ZNF184: variants seen among roughly 807,000 people sequenced by gnomAD.
ZNF184 encodes the protein zinc finger protein 184.
In ZNF184, 16 loss-of-function variants were observed where a neutral mutation model predicts 54.4. The ratio of observed to expected loss-of-function variants is 0.29; its 90% CI spans 0.20 to 0.45. ZNF184 has a LOEUF of 0.45. Among genes scored for constraint, ZNF184 ranks in the 20% least tolerant of loss-of-function variants. The pLI is 1.00. For missense variants in ZNF184, 681 were observed against 888.2 expected, an observed-to-expected ratio of 0.77 and a Z score of 2.97; for synonymous variants, 254 against 295.3, an observed-to-expected ratio of 0.86 and a Z score of 1.43.
intron 3 of ZNF184, among the ~76,000 whole-genome samples, chr6:27,465,298 C>T (rs1763103702): frequency 1.3e-5 from 2 of 151,068 alleles, no homozygotes; most frequent in South Asian, 2.1e-4. Flanking sequence ...TCCTGGCTAA[C>T]ACAGGGAAAC....
At chr6:27,456,235 G>A in intron 5 of ZNF184, among the ~76,000 whole-genome samples, 1 of 149,402 alleles carries the variant, frequency 6.7e-6, no homozygotes, top group East Asian at 2.0e-4. Context: ...TACAGCCTGG[G>A]CAACAGAATG....
the ZNF184 span, among the ~76,000 whole-genome samples, chr6:27,437,446 T>G: frequency 6.6e-6 from 1 of 152,124 alleles, no homozygotes; most frequent in Non-Finnish European, 1.5e-5. Context: ...AGGAAGTGTA[T>G]CCTGTCAATG....
Position 27,452,847 on chromosome 6 carries a change from T to G in ZNF184, c.712A>C (p.Ile238Leu). 1.2e-6 allele frequency: 2 copies of G among 1,613,946 alleles called. No individual in the cohort carries two copies. Among genetic ancestry groups the G allele is most frequent in the Non-Finnish European group, 1.7e-6 (2 of 1,179,976 alleles). ...CCAGTATGTGTTCTCTGATGGCGAA[T>G]AAGAGCTGAACAATAACTAAAGGCT... ...GKAFSYCSAL[I>L]RHQRTHTGEK... Residue 238 changes from isoleucine (I) to leucine (L), a missense_variant, in exon 6 of 6, where the codon ATT becomes CTT. By Grantham distance (5) the Ile-to-Leu change is conservative. Coordinates refer to ENST00000683788, the MANE Select transcript of ZNF184 (RefSeq NM_001318891.2). The surrounding 1 kb of genome is among the most constrained non-coding windows in gnomAD (Gnocchi z 5.5).
chr6:27,433,978 C>CTTCCTTCCTTCCTCTCCCTCCG, the ZNF184 span, among the ~76,000 whole-genome samples: 1 of 144,652 alleles, frequency 6.9e-6, no homozygotes, highest in African/African-American at 2.6e-5. Flanking sequence ...CCCTCCCTTC[C>CTTCCTTCCTTCCTCTCCCTCCG]TTCCTTCCTT....
chr6:27,422,147 AAAAAGAAAGAAAG>A, the ZNF184 span, among the ~76,000 whole-genome samples: 11 of 49,756 alleles, frequency 2.2e-4, 2 homozygotes, highest in African/African-American at 7.2e-4. Context: ...CCTCAAAAAA[AAAAAGAAAGAAAG>A]AAAGAAAGAA....
chr6:27,449,720 C>T (rs1762678134), downstream of ZNF184, among the ~76,000 whole-genome samples: 1 of 151,922 alleles, frequency 6.6e-6, no homozygotes, highest in South Asian at 2.1e-4. Flanking sequence ...TACTGCACTC[C>T]AGCCTGGGTG....
intron 3 of ZNF184, among the ~76,000 whole-genome samples, chr6:27,460,594 C>T (rs1164196045): frequency 6.6e-6 from 1 of 152,184 alleles, no homozygotes; most frequent in Non-Finnish European, 1.5e-5. Context: ...AGTGGTCTTA[C>T]TGAGCTGAGG....
chr6:27,435,234 G>T, the ZNF184 span, among the ~76,000 whole-genome samples: 11 of 152,182 alleles, frequency 7.2e-5, no homozygotes, highest in Admixed American at 5.2e-4. Context: ...TCTGTTGGTT[G>T]CTTCGGATGA....
chr6:27,461,465 G>A (rs954146367), intron 3 of ZNF184, among the ~76,000 whole-genome samples: 4 of 151,950 alleles, frequency 2.6e-5, no homozygotes, highest in Non-Finnish European at 5.9e-5. Context: ...CTAGAGTAAG[G>A]CTACACTAGA....
chr6:27,465,634 C>T (rs13201443), intron 3 of ZNF184, among the ~76,000 whole-genome samples: 98,978 of 151,600 alleles, frequency 0.65, 32,583 homozygotes, highest in Middle Eastern at 0.76. Context: ...GCAAAAGATA[C>T]TACCAGGCAT....
chr6:27,412,348 G>A, the ZNF184 span, among the ~76,000 whole-genome samples: 2 of 152,330 alleles, frequency 1.3e-5, no homozygotes, highest in East Asian at 3.9e-4. Flanking sequence ...CTTCCCTACT[G>A]TCAGGAGCAG....
At chr6:27,419,931 C>G in the ZNF184 span, among the ~76,000 whole-genome samples, 8 of 152,216 alleles carry the variant, frequency 5.3e-5, no homozygotes, top group South Asian at 1.7e-3. The surrounding 1 kb of genome is among the most constrained non-coding windows in gnomAD (Gnocchi z 4.8). Context: ...GTCCCAAAGC[C>G]TGCACTGGCT....
chr6:27,452,381 T>G lies in ZNF184; in HGVS notation c.1178A>C (p.Asn393Thr), dbSNP rs370813016. The G allele has an allele frequency of 6.2e-7, 1 of 1,614,144 alleles. No individual in the cohort carries two copies. Among genetic ancestry groups the G allele is most frequent in the South Asian group, 1.1e-5 (1 of 91,084 alleles). Residue 393 changes from asparagine to threonine, a missense_variant, in exon 6 of 6, where the codon AAT becomes ACT. Transcript: ENST00000683788. This position sits in a 1 kb window ranked among gnomAD's most constrained non-coding sequence, Gnocchi z 5.5. ...IHTGEKTYKC[N>T]ECGKAFNGPS... ...CCCGTTGAAGGCCTTTCCACATTCA[T>G]TACATTTATAGGTTTTTTCTCCAGT... is the stretch of plus-strand genomic sequence containing the variant.
In ZNF184 at chr6:27,451,655, G is replaced by GT; in HGVS notation, c.1903dup (p.Thr635AsnfsTer11). 6.2e-7 allele frequency: 1 copy of GT among 1,614,122 alleles called. No homozygotes were observed. The highest frequency in any genetic ancestry group is 1.1e-5 in the South Asian group (1 of 91,084). On this transcript the variant is annotated frameshift_variant, in exon 6 of 6. Coordinates refer to ENST00000683788, the MANE Select transcript of ZNF184 (RefSeq NM_001318891.2). LOFTEE classifies it low-confidence loss of function (END_TRUNC). ...CTGGTAGGGTTTTTCTTCTGTGTGA[G>GT]TTTTTTGATGTTGAGCAAGAGATGA...
chr6:27,422,148 A>AAGAAAAGAAAGAAAG, the ZNF184 span, among the ~76,000 whole-genome samples: 1 of 43,456 alleles, frequency 2.3e-5, no homozygotes, highest in African/African-American at 8.5e-5. Context: ...CTCAAAAAAA[A>AAGAAAAGAAAGAAAG]AAAGAAAGAA....
chr6:27,435,266 A>G, the ZNF184 span, among the ~76,000 whole-genome samples: 1 of 152,176 alleles, frequency 6.6e-6, no homozygotes, highest in African/African-American at 2.4e-5. Flanking sequence ...TAGCAATATT[A>G]AGTCTTCCAA....
chr6:27,469,031 C>G (rs1395891632), intron 2 of ZNF184, among the ~76,000 whole-genome samples: 5 of 152,168 alleles, frequency 3.3e-5, no homozygotes, highest in Non-Finnish European at 7.4e-5. Flanking sequence ...AAAAGCTTTG[C>G]TCTTGGGGGA....
At chr6:27,426,932 G>T in the ZNF184 span, among the ~76,000 whole-genome samples, 1 of 152,180 alleles carries the variant, frequency 6.6e-6, no homozygotes, top group African/African-American at 2.4e-5. This position sits in a 1 kb window ranked among gnomAD's most constrained non-coding sequence, Gnocchi z 4.2. Flanking sequence ...AGACTGTGGA[G>T]AAAGAATTTC....
the ZNF184 span, among the ~76,000 whole-genome samples, chr6:27,415,450 A>G: frequency 6.6e-6 from 1 of 152,202 alleles, no homozygotes; most frequent in Admixed American, 6.5e-5. Context: ...GCTTTTCTCT[A>G]ACTTTAGGAA....
Sources: allele counts gnomAD v4.1 joint callset (sites outside exome capture counted in the v4.1 genomes callset), GRCh38; gene constraint gnomAD v4.1.1; non-coding constraint Gnocchi (gnomAD v3.1); transcripts MANE v1.5; gene names NCBI Gene and HGNC (gene_info 2026-07-23, HGNC 2026-07-21).